RNF19B: variants seen among roughly 807,000 people sequenced by gnomAD.
The protein encoded by RNF19B is ring finger protein 19B, also known as E3 ubiquitin-protein ligase RNF19B.
In RNF19B, 23 loss-of-function variants were observed where a neutral mutation model predicts 65.5. The ratio of observed to expected loss-of-function variants is 0.35; its 90% CI spans 0.25 to 0.50. RNF19B has a LOEUF of 0.50. Among genes scored for constraint, RNF19B ranks in the 20% least tolerant of loss-of-function variants. The pLI, the probability that RNF19B is intolerant of heterozygous loss-of-function variation, is 0.98. For missense variants in RNF19B, 794 were observed against 980.0 expected (o/e 0.81, Z 2.53); for synonymous variants, 372 against 379.6 (o/e 0.98, Z 0.23).
chr1:32,953,901 CTTTT>C (rs1180002582), intron 1 of RNF19B, among the ~76,000 whole-genome samples: 22 of 84,202 alleles, frequency 2.6e-4, no homozygotes, highest in African/African-American at 9.6e-4. Context: ...GCCCCCACTT[CTTTT>C]TTTTTTTTTT....
intron 1 of RNF19B, among the ~76,000 whole-genome samples, chr1:32,953,309 G>A (rs926469721): frequency 6.6e-6 from 1 of 151,896 alleles, no homozygotes; most frequent in African/African-American, 2.4e-5. Flanking sequence ...AGTAATTGCA[G>A]GTTTCCGTGT....
chr1:32,931,532 C>A (rs1359873710), downstream of RNF19B, among the ~76,000 whole-genome samples: 2 of 152,186 alleles, frequency 1.3e-5, no homozygotes, highest in Non-Finnish European at 2.9e-5. Flanking sequence ...TTATCCAAAT[C>A]CACTCAAGGG....
chr1:32,942,716 T>G (rs751174624), intron 6 of RNF19B, among the ~76,000 whole-genome samples: 20 of 152,218 alleles, frequency 1.3e-4, no homozygotes, highest in Non-Finnish European at 2.6e-4. Context: ...GGTAGTTACA[T>G]GAAACTATAA....
intron 8 of RNF19B, 67 bp downstream of exon 8, chr1:32,938,330 A>C: frequency 6.4e-7 from 1 of 1,556,830 alleles, no homozygotes; most frequent in Admixed American, 1.7e-5. Context: ...TGAGGCATTG[A>C]ACTTCTGAAG....
downstream of RNF19B, among the ~76,000 whole-genome samples, chr1:32,934,975 G>GCA (rs1642072733): frequency 6.6e-6 from 1 of 151,456 alleles, no homozygotes; most frequent in Non-Finnish European, 1.5e-5. Flanking sequence ...TGGACTACAG[G>GCA]TGTGCGCCAC....
At chr1:32,942,481 C>A in intron 6 of RNF19B, 22 bp from the exon 7 acceptor site, 1 of 1,595,820 alleles carries the variant, frequency 6.3e-7, no homozygotes, top group South Asian at 1.1e-5. Context: ...ACCAAACATC[C>A]AATTCAAGAC....
At chr1:32,952,247 A>C (rs995961723) in intron 1 of RNF19B, among the ~76,000 whole-genome samples, 13 of 151,830 alleles carry the variant, frequency 8.6e-5, no homozygotes, top group Non-Finnish European at 1.3e-4. Context: ...TTAATTCCAA[A>C]TATGTCAATT....
the RNF19B span, among the ~76,000 whole-genome samples, chr1:32,930,460 C>CA: frequency 6.6e-6 from 1 of 151,594 alleles, no homozygotes; most frequent in Non-Finnish European, 1.5e-5. Flanking sequence ...GGCTGGAGTG[C>CA]AGTGGCACGA....
At chr1:32,929,130 G>A in the RNF19B span, among the ~76,000 whole-genome samples, 2 of 152,138 alleles carry the variant, frequency 1.3e-5, no homozygotes, top group Non-Finnish European at 2.9e-5. Flanking sequence ...CTGTGGGGGA[G>A]GATCTGTTCC....
intron 1 of RNF19B, among the ~76,000 whole-genome samples, chr1:32,955,914 G>A (rs1461633837): frequency 2.6e-5 from 4 of 152,210 alleles, no homozygotes; most frequent in African/African-American, 9.6e-5. Context: ...AAAGAAAGGT[G>A]TAGAAAATTA....
At position 32,949,562 on chromosome 1, in the gene RNF19B, C is replaced by A. The variant is rs370607224; in HGVS notation, c.841+7G>T. ...TAAAGAGACAATGAGATAATGCCAA[C>A]TTATACCTGGTCCAGATTCTTGCCC... On this transcript the variant is annotated splice_region_variant and intron_variant, in intron 2 of 8. Coordinates refer to ENST00000235150, the MANE Select transcript of RNF19B (RefSeq NM_001300826.2). 6 of 1,613,354 alleles carry A rather than the reference C, an allele frequency of 3.7e-6. No homozygotes were observed. The African/African-American group carries it at 5.3e-5, about 14-fold the overall frequency.
chr1:32,931,597 C>G (rs187900758), downstream of RNF19B, among the ~76,000 whole-genome samples: 2 of 152,228 alleles, frequency 1.3e-5, no homozygotes, highest in Middle Eastern at 3.2e-3. Context: ...GGTAAAGCTA[C>G]GAATTCAACT....
intron 1 of RNF19B, among the ~76,000 whole-genome samples, chr1:32,959,269 G>C (rs1268630644): frequency 6.6e-6 from 1 of 152,156 alleles, no homozygotes; most frequent in Admixed American, 6.5e-5. Flanking sequence ...AAAGAATTTA[G>C]GTCAAGACAG....
the RNF19B span, among the ~76,000 whole-genome samples, chr1:32,930,240 G>T: frequency 6.6e-6 from 1 of 151,998 alleles, no homozygotes; most frequent in Non-Finnish European, 1.5e-5. Flanking sequence ...CTTCTGAGTA[G>T]CTGGGACTAC....
rs114313740 is a variant in RNF19B, at chr1:32,942,721, C to T, written c.1403-262G>A. Among the ~76,000 whole-genome samples, 758 of 152,280 alleles carry T rather than the reference C, an allele frequency of 5.0e-3. 7 individuals are homozygous for T. Among genetic ancestry groups the T allele is most frequent in the African/African-American group, 0.016 (678 of 41,546 alleles). On this transcript the variant is annotated intron_variant, in intron 6 of 8. Transcript: ENST00000235150. Reference sequence around the variant, plus strand: ...CCAAGGCCATGGTAGTTACATGAAACTATAACTCTGATTCCAAGGCCACTA... The same window carrying T: ...CCAAGGCCATGGTAGTTACATGAAATTATAACTCTGATTCCAAGGCCACTA...
downstream of RNF19B, among the ~76,000 whole-genome samples, chr1:32,934,972 C>T (rs1642072615): frequency 6.9e-6 from 1 of 144,118 alleles, no homozygotes; most frequent in Non-Finnish European, 1.5e-5. Flanking sequence ...AGCTGGACTA[C>T]AGGTGTGCGC....
Position 32,962,428 on chromosome 1 carries a change from G to T in RNF19B, c.635+1623C>A, listed in dbSNP as rs146147890. On this transcript the variant is annotated intron_variant, in intron 1 of 8. Transcript: ENST00000235150. ...ATACTTATTAACTGAAAGTGAAAGT[G>T]AGCCACCATAAACACCATTCCTTTG... Among the ~76,000 whole-genome samples, 484 of 152,284 alleles carry T rather than the reference G, an allele frequency of 3.2e-3. 2 individuals are homozygous for T. Among genetic ancestry groups the T allele is most frequent in the African/African-American group, 0.011 (467 of 41,556 alleles).
chr1:32,958,488 G>A (rs1437486295), intron 1 of RNF19B, among the ~76,000 whole-genome samples: 1 of 152,176 alleles, frequency 6.6e-6, no homozygotes, highest in African/African-American at 2.4e-5. Context: ...AGGCTGAGAT[G>A]GGTGGATCAC....
chr1:32,955,433 GA>G (rs200076960), intron 1 of RNF19B, among the ~76,000 whole-genome samples: 14 of 148,084 alleles, frequency 9.5e-5, no homozygotes, highest in African/African-American at 3.0e-4. Context: ...CGAATAGTTG[GA>G]AAAAAAAAAC....
Sources: allele counts gnomAD v4.1 joint callset (sites outside exome capture counted in the v4.1 genomes callset), GRCh38; gene constraint gnomAD v4.1.1; transcripts MANE v1.5; gene names NCBI Gene and HGNC (gene_info 2026-07-23, HGNC 2026-07-21).